Variants in LZTS1 observed in about 807,000 individuals in gnomAD.
LZTS1 encodes the protein leucine zipper tumor suppressor 1.
In LZTS1, 31 loss-of-function variants were observed where a neutral mutation model predicts 45.8. That is an observed-to-expected ratio of 0.68 (90% CI 0.51 to 0.91). The LOEUF is 0.91. Ranked by LOEUF, LZTS1 falls within the 40% of genes least tolerant of loss-of-function variation. LZTS1 has a pLI of 0.00. For synonymous variants in LZTS1, 359 were observed against 357.3 expected (o/e 1.00, Z -0.05); for missense variants, 821 against 788.9 (o/e 1.04, Z -0.49).
rs1363002467 is a variant in LZTS1, at chr8:20,249,158, C to T, written c.*564G>A. On this transcript the variant is annotated 3_prime_UTR_variant, in exon 4 of 4. Transcript: ENST00000381569. ...GGGCTGCCTGTCTCTCCCCTCCTTC[C>T]TGTGGCTTGCCGGGGCTGGGACAGC... 1 of 153,672 alleles carries T rather than the reference C, an allele frequency of 6.5e-6. No homozygotes were observed. Among genetic ancestry groups the T allele is most frequent in the Non-Finnish European group, 1.5e-5 (1 of 68,902 alleles). The allele number at this position is 153,672 out of a possible 1,614,324, so 9.5% of individuals were successfully genotyped here. A position where few individuals can be genotyped will look rare whatever the true frequency, so the allele number is the denominator to read the frequency against.
intron 1 of LZTS1, among the ~76,000 whole-genome samples, chr8:20,293,939 A>G (rs1563900289): frequency 6.6e-6 from 1 of 152,166 alleles, no homozygotes; most frequent in Non-Finnish European, 1.5e-5. Flanking sequence ...ACAAATAACA[A>G]TAATAAATAA....
Position 20,253,039 on chromosome 8 carries a change from G to A in LZTS1, c.892C>T (p.Arg298Trp), listed in dbSNP as rs371391769. 5.1e-5 allele frequency: 82 copies of A among 1,603,276 alleles called. 1 individual carries two copies. The highest frequency in any genetic ancestry group is 1.9e-4 in the African/African-American group (14 of 74,910). The change falls in exon 3 of 4, where the codon CGG becomes TGG. Residue 298 changes from arginine to tryptophan, a missense_variant. Physicochemically the swap from Arg to Trp is moderately radical, Grantham distance 101. Coordinates refer to ENST00000381569, the MANE Select transcript of LZTS1 (RefSeq NM_021020.5). ...AGCTCGTCCCTGCAGCGCCGCGGCC[G>A]CTCCTCGTAGGCCAGGCTGGAGGCA... The part of the protein sequence containing the change: ...ELASSLAYEE[R>W]PRRCRDELEG...
At chr8:20,255,562 C>T (rs776493959) in intron 1 of LZTS1, among the ~76,000 whole-genome samples, 31 of 152,196 alleles carry the variant, frequency 2.0e-4, no homozygotes, top group Middle Eastern at 3.2e-3. Context: ...GTCACAGTCC[C>T]TGCATTCCTG....
At position 20,303,634 on chromosome 8, in the gene LZTS1, C is replaced by T. The variant is rs1037960423; in HGVS notation, c.-135+106G>A. 9 of 917,706 alleles carry T rather than the reference C, an allele frequency of 9.8e-6. No homozygotes were observed. The African/African-American group carries it at 1.6e-4, about 16-fold the overall frequency. 56.8% of individuals were successfully genotyped at this position (917,706 alleles called of 1,614,324 possible). A position where few individuals can be genotyped will look rare whatever the true frequency, so the allele number is the denominator to read the frequency against. On this transcript the variant is annotated intron_variant, in intron 1 of 3. Transcript: ENST00000381569. ...ACACAGACAGACAAAGACCGACGGA[C>T]GCGCGGACGCACGGACGGTCCGGCC...
Position 20,298,893 on chromosome 8 carries a change from AC to A in LZTS1, c.-135+4846del, listed in dbSNP as rs1185992300. The stretch of plus-strand genomic sequence containing the variant: ...CTTGTCTCTAAAAAACAAACAAAAA[AC>A]CAGTGTGAGAGACACAGGATGAAAA... On this transcript the variant is annotated intron_variant, in intron 1 of 3. Coordinates refer to ENST00000381569, the MANE Select transcript of LZTS1 (RefSeq NM_021020.5). Among the ~76,000 whole-genome samples the A allele has an allele frequency of 1.1e-4, 17 of 152,148 alleles. 1 individual carries two copies. The South Asian group carries it at 3.5e-3, about 32-fold the overall frequency.
rs1250541164 is a variant in LZTS1, at chr8:20,254,876, T to C, written c.306A>G (p.Thr102=). ...GQAGVDFDPS[T]PPKLMPFSNQ... ...TGGAGAAGGGCATGAGCTTGGGGGG[T>C]GTGGACGGGTCAAAGTCCACCCCAG... is the stretch of plus-strand genomic sequence containing the variant. The change falls in exon 2 of 4, where the codon ACA becomes ACG. Residue 102 remains threonine, a synonymous_variant. Transcript: ENST00000381569. 2 of 1,613,740 alleles carry C rather than the reference T, an allele frequency of 1.2e-6. No individual in the cohort carries two copies. The highest frequency in any genetic ancestry group is 1.7e-6 in the Non-Finnish European group (2 of 1,179,868).
chr8:20,285,518 G>A (rs748076149), intron 1 of LZTS1, among the ~76,000 whole-genome samples: 5 of 152,112 alleles, frequency 3.3e-5, no homozygotes, highest in Non-Finnish European at 7.4e-5. Flanking sequence ...GAATATAACC[G>A]AAGTTGTGTA....
intron 1 of LZTS1, among the ~76,000 whole-genome samples, chr8:20,273,237 C>T (rs1181898185): frequency 6.6e-6 from 1 of 152,170 alleles, no homozygotes; most frequent in Non-Finnish European, 1.5e-5. Flanking sequence ...GGCTTTCCTC[C>T]TGTTGCGCAG....
Position 20,253,029 on chromosome 8 carries a change from C to A in LZTS1, c.902G>T (p.Arg301Leu). 6.2e-7 allele frequency: 1 copy of A among 1,601,478 alleles called. No homozygotes were observed. The change falls in exon 3 of 4, where the codon CGC becomes CTC. Residue 301 changes from arginine (R) to leucine (L), a missense_variant. Physicochemically the swap from Arg to Leu is moderately radical, Grantham distance 102. Transcript: ENST00000381569. ...CGGGCCCTCCAGCTCGTCCCTGCAG[C>A]GCCGCGGCCGCTCCTCGTAGGCCAG... ...SSLAYEERPR[R>L]CRDELEGPEP...
intron 1 of LZTS1, among the ~76,000 whole-genome samples, chr8:20,267,572 G>A (rs1011180780): frequency 6.6e-6 from 1 of 152,320 alleles, no homozygotes; most frequent in East Asian, 1.9e-4. Context: ...CTGGAGTGCA[G>A]TGATGTGATC....
At chr8:20,260,697 T>C (rs1800210294) in intron 1 of LZTS1, among the ~76,000 whole-genome samples, 1 of 152,180 alleles carries the variant, frequency 6.6e-6, no homozygotes, top group Non-Finnish European at 1.5e-5. Context: ...AGCTGTGTCA[T>C]TCACCTGGGC....
intron 1 of LZTS1, among the ~76,000 whole-genome samples, 183 bp downstream of exon 1, chr8:20,303,557 G>C (rs2128900634): frequency 6.6e-6 from 1 of 151,764 alleles, no homozygotes; most frequent in African/African-American, 2.4e-5. Flanking sequence ...ACCCTGCAGA[G>C]GGGAGACCCT....
intron 2 of LZTS1, 61 bp from the exon 3 acceptor site, chr8:20,253,646 T>C: frequency 7.6e-7 from 1 of 1,313,016 alleles, no homozygotes; most frequent in Non-Finnish European, 1.0e-6. Context: ...GCACCCTCCC[T>C]CCCCAGGCAC....
intron 1 of LZTS1, among the ~76,000 whole-genome samples, chr8:20,296,807 T>A (rs951190152): frequency 1.3e-5 from 2 of 152,130 alleles, no homozygotes; most frequent in Non-Finnish European, 2.9e-5. Context: ...ATGAAGCACA[T>A]CTATTGGCGA....
intron 1 of LZTS1, among the ~76,000 whole-genome samples, chr8:20,264,206 C>G (rs2410634): frequency 0.61 from 93,230 of 152,114 alleles, 29,117 homozygotes; most frequent in African/African-American, 0.73. Context: ...TTTGATACTT[C>G]GGATCCATGC....
Position 20,249,837 on chromosome 8 carries a change from C to A in LZTS1, c.1676G>T (p.Arg559Leu), listed in dbSNP as rs200361803. 2 of 1,614,186 alleles carry A rather than the reference C, an allele frequency of 1.2e-6. No homozygotes were observed. Among genetic ancestry groups the A allele is most frequent in the Non-Finnish European group, 1.7e-6 (2 of 1,180,014 alleles). Residue 559 changes from arginine to leucine, a missense_variant, in exon 4 of 4, where the codon CGC becomes CTC. By Grantham distance (102) the Arg-to-Leu change is moderately radical. Coordinates refer to ENST00000381569, the MANE Select transcript of LZTS1 (RefSeq NM_021020.5). ...CAGCTGCTGCAGGGCCTTCTCCAGG[C>A]GCTGGTTCCGCTGGTACATGGCCAC... is the stretch of plus-strand genomic sequence containing the variant. ...SYVAMYQRNQ[R>L]LEKALQQLAR...
At position 20,249,343 on chromosome 8, in the gene LZTS1, AAG is replaced by A. The variant is rs1799818162; in HGVS notation, c.*377_*378del. On this transcript the variant is annotated 3_prime_UTR_variant, in exon 4 of 4. Transcript: ENST00000381569. ...GCATTCCAATGTGTCCAGGAGGAAA[AAG>A]AGGTTGGGATGAGAAGCAGAGGGGA... 4.8e-6 allele frequency: 1 copy of A among 210,118 alleles called. No individual in the cohort carries two copies. The highest frequency in any genetic ancestry group is 2.3e-5 in the African/African-American group (1 of 43,414). 13.0% of individuals were successfully genotyped at this position (210,118 alleles called of 1,614,324 possible).
Position 20,247,325 on chromosome 8 carries a change from TCTGA to T in LZTS1, c.*2393_*2396del, listed in dbSNP as rs1003837391. ...CAACGTCTGAGGCAGAGCACTGGAC[TCTGA>T]CTGCTCTTTCCTGGAGTTGGGGGGG... is the stretch of plus-strand genomic sequence containing the variant. On this transcript the variant is annotated 3_prime_UTR_variant, in exon 4 of 4. Transcript: ENST00000381569. 3 of 149,746 alleles carry T rather than the reference TCTGA, an allele frequency of 2.0e-5. No homozygotes were observed. The highest frequency in any genetic ancestry group is 2.0e-4 in the East Asian group (1 of 4,882). The allele number at this position is 149,746 out of a possible 1,614,324, so 9.3% of individuals were successfully genotyped here.
At chr8:20,258,897 T>C (rs966255051) in intron 1 of LZTS1, among the ~76,000 whole-genome samples, 1 of 152,142 alleles carries the variant, frequency 6.6e-6, no homozygotes, top group Non-Finnish European at 1.5e-5. Context: ...TCCTGCGAGG[T>C]GTGACTTAGG....
Sources: gnomAD v4.1 joint callset for allele counts (sites outside exome capture counted in the v4.1 genomes callset) on GRCh38, gnomAD v4.1.1 for gene constraint, MANE v1.5 for transcripts, NCBI Gene and HGNC (gene_info 2026-07-23, HGNC 2026-07-21) for gene names.